The following SATB2 variants were observed in gnomAD, a reference collection of about 807,000 sequenced individuals.
SATB2 encodes the protein SATB homeobox 2, also known as DNA-binding protein SATB2.
Under a neutral mutation model 73.4 loss-of-function variants are expected in SATB2, and 1 was observed. That is an observed-to-expected ratio of 0.01 (90% CI 0.00 to 0.06). The LOEUF (loss-of-function observed/expected upper bound fraction) is 0.06. Ranked by LOEUF, SATB2 falls within the 10% of genes least tolerant of loss-of-function variation. The pLI is 1.00. For missense variants in SATB2, 459 were observed against 945.8 expected (o/e 0.49, Z 6.75); for synonymous variants, 397 against 367.0 (o/e 1.08, Z -0.93).
Position 199,342,648 on chromosome 2 carries a change from C to T in SATB2, c.1173+6053G>A, listed in dbSNP as rs568313702. ...AGAACAAGTGACTCAATTTTATGTT[C>T]CTAGTTTAGACCATGTATGTTTCTG... On this transcript the variant is annotated intron_variant, in intron 7 of 10. Transcript: ENST00000417098. Among the ~76,000 whole-genome samples the T allele has an allele frequency of 2.0e-5, 3 of 152,076 alleles. No homozygotes were observed. The South Asian group carries it at 6.2e-4, about 32-fold the overall frequency.
intron 6 of SATB2, among the ~76,000 whole-genome samples, chr2:199,355,964 C>A (rs987090876): frequency 6.6e-6 from 1 of 152,108 alleles, no homozygotes; most frequent in African/African-American, 2.4e-5. Context: ...ACGCTGTAAA[C>A]CTTAACACAG....
intron 3 of SATB2, among the ~76,000 whole-genome samples, chr2:199,427,883 G>A (rs1258848247): frequency 6.6e-6 from 1 of 152,052 alleles, no homozygotes; most frequent in African/African-American, 2.4e-5. Context: ...ACATTGTAAA[G>A]AGATAGTACA....
chr2:199,455,840 C>G lies in SATB2; in HGVS notation c.169+29G>C, dbSNP rs776787328. 4.5e-5 allele frequency: 69 copies of G among 1,534,142 alleles called. No homozygotes were observed. The highest frequency in any genetic ancestry group is 5.8e-5 in the Non-Finnish European group (67 of 1,146,458). On this transcript the variant is annotated intron_variant, in intron 2 of 10. Coordinates refer to ENST00000417098, the MANE Select transcript of SATB2 (RefSeq NM_001172509.2). This position sits in a 1 kb window ranked among gnomAD's most constrained non-coding sequence, Gnocchi z 4.1. The stretch of plus-strand genomic sequence containing the variant: ...CGGGCCATTATCACTGGGCCGCGGG[C>G]TGCGCGCCTCCCTGCTCCGGGCTGT...
At chr2:199,331,341 T>G (rs376352414) in intron 7 of SATB2, among the ~76,000 whole-genome samples, 125 of 152,226 alleles carry the variant, frequency 8.2e-4, no homozygotes, top group African/African-American at 3.0e-3. Context: ...TGAGAATGAC[T>G]GCTCAACCAT....
chr2:199,466,700 C>A (rs1225998001), upstream of SATB2, among the ~76,000 whole-genome samples: 1 of 152,226 alleles, frequency 6.6e-6, no homozygotes, highest in African/African-American at 2.4e-5. Context: ...CTGAGCTGCT[C>A]TGGGAACTTA....
chr2:199,292,609 A>G (rs1023334951), intron 10 of SATB2, among the ~76,000 whole-genome samples: 2 of 152,220 alleles, frequency 1.3e-5, no homozygotes, highest in Admixed American at 1.3e-4. Flanking sequence ...GATAGAGAAC[A>G]TGTCTTGGAA....
At chr2:199,284,163 A>G (rs575184698) in intron 10 of SATB2, among the ~76,000 whole-genome samples, 1 of 152,346 alleles carries the variant, frequency 6.6e-6, no homozygotes, top group African/African-American at 2.4e-5. Context: ...ATAGTTTCCC[A>G]ATACTTAACT....
At chr2:199,282,770 T>C (rs542760158) in intron 10 of SATB2, among the ~76,000 whole-genome samples, 1 of 152,312 alleles carries the variant, frequency 6.6e-6, no homozygotes, top group East Asian at 1.9e-4. Context: ...AGAAACCTTT[T>C]TCACCCCACA....
intron 3 of SATB2, among the ~76,000 whole-genome samples, chr2:199,407,420 A>C (rs1364711345): frequency 6.6e-6 from 1 of 152,150 alleles, no homozygotes; most frequent in Non-Finnish European, 1.5e-5. Context: ...CTTAATTAAG[A>C]CTAGGTAACT....
intron 10 of SATB2, among the ~76,000 whole-genome samples, chr2:199,282,105 T>G (rs1692522397): frequency 6.6e-6 from 1 of 152,018 alleles, no homozygotes; most frequent in Admixed American, 6.6e-5. Flanking sequence ...ATGGTCTCGA[T>G]CTCCTGACCT....
intron 7 of SATB2, among the ~76,000 whole-genome samples, chr2:199,335,092 A>T (rs1574517206): frequency 6.6e-6 from 1 of 152,296 alleles, no homozygotes; most frequent in East Asian, 1.9e-4. Context: ...TCTGATTTGA[A>T]TAAAAGGTAT....
chr2:199,454,920 C>A (rs1281457276), intron 2 of SATB2, among the ~76,000 whole-genome samples: 1 of 151,936 alleles, frequency 6.6e-6, no homozygotes, highest in African/African-American at 2.4e-5. Context: ...ATTAAATGGG[C>A]TACTGTTGAA....
At chr2:199,441,459 C>T (rs919737224) in intron 2 of SATB2, among the ~76,000 whole-genome samples, 1 of 152,056 alleles carries the variant, frequency 6.6e-6, no homozygotes, top group African/African-American at 2.4e-5. Flanking sequence ...TGATAATAAA[C>T]TCCTTGATGG....
intron 7 of SATB2, among the ~76,000 whole-genome samples, chr2:199,343,855 G>A (rs1688575440): frequency 6.6e-6 from 1 of 152,012 alleles, no homozygotes; most frequent in Non-Finnish European, 1.5e-5. Context: ...AATGGCAGGA[G>A]GAAAATAATA....
intron 8 of SATB2, among the ~76,000 whole-genome samples, chr2:199,327,145 T>C (rs867948553): frequency 3.9e-5 from 6 of 152,160 alleles, no homozygotes; most frequent in Non-Finnish European, 8.8e-5. Flanking sequence ...TTTGTATAAA[T>C]GTATATCCAT....
upstream of SATB2, among the ~76,000 whole-genome samples, chr2:199,469,208 T>G (rs1371335045): frequency 6.6e-6 from 1 of 152,174 alleles, no homozygotes; most frequent in African/African-American, 2.4e-5. Flanking sequence ...ATCATTTTGT[T>G]AACCGGAAAG....
At chr2:199,381,868 A>C in intron 3 of SATB2, 48 bp from the exon 4 acceptor site, 1 of 1,601,664 alleles carries the variant, frequency 6.2e-7, no homozygotes, top group Non-Finnish European at 8.5e-7. Context: ...CTATTTATTA[A>C]ACCTTCCCAT....
intron 10 of SATB2, among the ~76,000 whole-genome samples, chr2:199,280,223 C>T (rs1692444224): frequency 6.6e-6 from 1 of 152,200 alleles, no homozygotes; most frequent in Admixed American, 6.5e-5. Context: ...TTATCACTTC[C>T]CCGATCAATA....
At position 199,419,173 on chromosome 2, in the gene SATB2, T is replaced by G. The variant is rs572288654; in HGVS notation, c.346+14165A>C. Among the ~76,000 whole-genome samples the G allele has an allele frequency of 5.9e-5, 9 of 152,348 alleles. No individual in the cohort carries two copies. In the South Asian group the frequency reaches 1.9e-3, roughly 32 times the overall value. ...TGGCAGCTTAGGGACACAGGTCCTT[T>G]GAGAAGTGCTTCAACTCACAACATC... On this transcript the variant is annotated intron_variant, in intron 3 of 10. Transcript: ENST00000417098.
Sources: gnomAD v4.1 joint callset for allele counts (sites outside exome capture counted in the v4.1 genomes callset) on GRCh38, gnomAD v4.1.1 for gene constraint, Gnocchi (gnomAD v3.1) non-coding constraint, MANE v1.5 for transcripts, NCBI Gene and HGNC (gene_info 2026-07-23, HGNC 2026-07-21) for gene names.